The following LEPR variants were observed in gnomAD, a reference collection of about 807,000 sequenced individuals.
LEPR encodes the protein OB receptor.
Under a neutral mutation model 114.7 loss-of-function variants are expected in LEPR, and 56 were observed. That is an observed-to-expected ratio of 0.49 (90% CI 0.39 to 0.61). The LOEUF (loss-of-function observed/expected upper bound fraction) is 0.61, where lower values mean the gene tolerates loss of function less well. Ranked by LOEUF, LEPR falls within the 20% of genes least tolerant of loss-of-function variation. LEPR has a pLI of 0.00. For missense variants in LEPR, 1,202 were observed against 1,352.9 expected, an observed-to-expected ratio of 0.89 and a Z score of 1.75; for synonymous variants, 443 against 461.4, an observed-to-expected ratio of 0.96 and a Z score of 0.51.
At chr1:65,531,957 TGCC>T (rs1213991155) in intron 2 of LEPR, among the ~76,000 whole-genome samples, 1 of 152,212 alleles carries the variant, frequency 6.6e-6, no homozygotes, top group Non-Finnish European at 1.5e-5. Flanking sequence ...AGATAATGAA[TGCC>T]ACACATTTTT....
intron 2 of LEPR, among the ~76,000 whole-genome samples, chr1:65,514,081 G>C (rs1649164369): frequency 6.6e-6 from 1 of 152,120 alleles, no homozygotes; most frequent in Non-Finnish European, 1.5e-5. Flanking sequence ...TTTAATCTTG[G>C]GGTTAAGTAA....
intron 2 of LEPR, among the ~76,000 whole-genome samples, chr1:65,455,938 C>T (rs186035596): frequency 4.5e-4 from 68 of 152,256 alleles, no homozygotes; most frequent in African/African-American, 1.6e-3. Flanking sequence ...AGTGAGACTC[C>T]GTGGGCATAG....
At chr1:65,554,758 G>GAA (rs375039778) in intron 2 of LEPR, among the ~76,000 whole-genome samples, 4 of 148,772 alleles carry the variant, frequency 2.7e-5, no homozygotes, top group African/African-American at 9.8e-5. Flanking sequence ...GCTGGGGTAT[G>GAA]AAAAAAAAAA....
At chr1:65,615,123 C>G (rs992841746) in intron 14 of LEPR, among the ~76,000 whole-genome samples, 2 of 152,012 alleles carry the variant, frequency 1.3e-5, no homozygotes, top group Non-Finnish European at 2.9e-5. Flanking sequence ...CCAGATGATT[C>G]CAAGTTTTGC....
chr1:65,523,588 G>A (rs1236071411), intron 2 of LEPR, among the ~76,000 whole-genome samples: 1 of 152,126 alleles, frequency 6.6e-6, no homozygotes, highest in East Asian at 1.9e-4. Flanking sequence ...TGGGATTACA[G>A]GCATGAGCCA....
Position 65,601,582 on chromosome 1 carries a change from T to A in LEPR, c.1185T>A (p.Asn395Lys). 1 of 1,613,794 alleles carries A rather than the reference T, an allele frequency of 6.2e-7. No individual in the cohort carries two copies. The highest frequency in any genetic ancestry group is 8.5e-7 in the Non-Finnish European group (1 of 1,179,770). The part of the protein sequence containing the change: ...SDHVSKVTFF[N>K]LNETKPRGKF... Reference sequence around the variant, plus strand: ...ATGTTAGCAAAGTTACTTTTTTCAATCTGAATGAAACCAAACCTCGAGGAA... The same window carrying A: ...ATGTTAGCAAAGTTACTTTTTTCAAACTGAATGAAACCAAACCTCGAGGAA... Residue 395 changes from asparagine to lysine, a missense_variant, in exon 9 of 20, where the codon AAT becomes AAA. Asn to Lys is a moderately conservative substitution (Grantham distance 94). Coordinates refer to ENST00000349533, the MANE Select transcript of LEPR (RefSeq NM_002303.6).
intron 2 of LEPR, among the ~76,000 whole-genome samples, chr1:65,518,895 TTC>T (rs1471208058): frequency 8.0e-5 from 7 of 88,000 alleles, no homozygotes; most frequent in Middle Eastern, 6.7e-3. Flanking sequence ...CTTTCTTTCT[TTC>T]TTTCTTTCTT....
intron 19 of LEPR, chr1:65,629,446 G>A: frequency 2.7e-6 from 1 of 365,576 alleles, no homozygotes; most frequent in Non-Finnish European, 5.3e-6. Context: ...GTGACTTACT[G>A]AACCAAGTAT....
chr1:65,513,704 G>C (rs562149043), intron 2 of LEPR, among the ~76,000 whole-genome samples: 2 of 152,296 alleles, frequency 1.3e-5, no homozygotes, highest in South Asian at 4.1e-4. Flanking sequence ...TTTCCTTTCA[G>C]GTTCATAGGG....
intron 2 of LEPR, among the ~76,000 whole-genome samples, chr1:65,546,089 C>G (rs1334696948): frequency 2.6e-5 from 4 of 151,712 alleles, no homozygotes; most frequent in African/African-American, 7.3e-5. Flanking sequence ...GCTTGTTTTT[C>G]TCAGGTTTGT....
chr1:65,492,051 T>C (rs894626650), intron 2 of LEPR, among the ~76,000 whole-genome samples: 1 of 152,126 alleles, frequency 6.6e-6, no homozygotes, highest in African/African-American at 2.4e-5. Context: ...TTCATGTTAA[T>C]TATAAACAAT....
chr1:65,420,765 T>C (rs3790434), intron 1 of LEPR, 25 bp downstream of exon 1: 747,489 of 1,570,966 alleles, frequency 0.48, 182,574 homozygotes, highest in East Asian at 0.86. Context: ...CCGGCTCGCT[T>C]GTCGTGTGGT....
At chr1:65,549,879 G>C (rs998748998) in intron 2 of LEPR, among the ~76,000 whole-genome samples, 6 of 152,184 alleles carry the variant, frequency 3.9e-5, no homozygotes, top group Admixed American at 1.3e-4. Context: ...TTTGGAGGAG[G>C]AGAGGCGCTC....
chr1:65,510,745 G>A (rs1648987662), intron 2 of LEPR, among the ~76,000 whole-genome samples: 1 of 152,162 alleles, frequency 6.6e-6, no homozygotes, highest in African/African-American at 2.4e-5. Context: ...AGCCAAAAGG[G>A]AAAGAAAGAC....
intron 2 of LEPR, among the ~76,000 whole-genome samples, chr1:65,466,134 C>G (rs1391149110): frequency 6.6e-6 from 1 of 152,012 alleles, no homozygotes; most frequent in South Asian, 2.1e-4. Flanking sequence ...TGGTCTTTAC[C>G]ATTTGGCATG....
chr1:65,495,870 A>G (rs988407147), intron 2 of LEPR, among the ~76,000 whole-genome samples: 2 of 152,190 alleles, frequency 1.3e-5, no homozygotes, highest in Middle Eastern at 3.2e-3. Context: ...AGAATTAGAG[A>G]GTAGAATAGT....
intron 6 of LEPR, 25 bp downstream of exon 6, chr1:65,592,890 T>G (rs1157131887): frequency 1.2e-6 from 2 of 1,610,322 alleles, no homozygotes; most frequent in East Asian, 4.5e-5. Context: ...AAAATGATGA[T>G]AATAGGTCTA....
intron 2 of LEPR, among the ~76,000 whole-genome samples, chr1:65,550,898 C>G (rs1033142532): frequency 2.0e-5 from 3 of 151,956 alleles, no homozygotes; most frequent in East Asian, 3.9e-4. Context: ...AGAAATCACC[C>G]GTCTTCTGCG....
intron 2 of LEPR, among the ~76,000 whole-genome samples, chr1:65,500,685 T>C (rs1648401284): frequency 6.6e-6 from 1 of 152,176 alleles, no homozygotes. Flanking sequence ...ATACAAAATA[T>C]GTGTTAATTG....
Sources: gnomAD v4.1 joint callset for allele counts (sites outside exome capture counted in the v4.1 genomes callset) on GRCh38, gnomAD v4.1.1 for gene constraint, MANE v1.5 for transcripts, NCBI Gene and HGNC (gene_info 2026-07-23, HGNC 2026-07-21) for gene names.